The following PPA2 variants were observed in gnomAD, a reference collection of about 807,000 sequenced individuals.
The protein encoded by PPA2 is inorganic pyrophosphatase 2.
In PPA2, 48 loss-of-function variants were observed where a neutral mutation model predicts 49.5. The ratio of observed to expected loss-of-function variants is 0.97; its 90% confidence interval spans 0.77 to 1.23. The LOEUF is 1.23. Ranked by LOEUF, PPA2 falls within the 50% of genes most tolerant of loss-of-function variation. The pLI is 0.00. For missense variants in PPA2, 429 were observed against 410.1 expected (o/e 1.05, Z -0.40); for synonymous variants, 131 against 139.9 (o/e 0.94, Z 0.45).
chr4:105,409,124 A>G (rs2130693), intron 7 of PPA2, among the ~76,000 whole-genome samples: 89,991 of 152,042 alleles, frequency 0.59, 26,744 homozygotes, highest in East Asian at 0.68. Flanking sequence ...AGCACAAGGG[A>G]TCGGGGATTT....
intron 5 of PPA2, among the ~76,000 whole-genome samples, chr4:105,439,031 G>C (rs927422236): frequency 2.0e-5 from 3 of 150,972 alleles, no homozygotes; most frequent in African/African-American, 7.3e-5. Flanking sequence ...ATCAATAAAT[G>C]AAGTCCAACA....
intron 5 of PPA2, among the ~76,000 whole-genome samples, chr4:105,439,801 G>C (rs1724256447): frequency 6.6e-6 from 1 of 150,380 alleles, no homozygotes; most frequent in South Asian, 2.1e-4. Flanking sequence ...TCGTCATTTA[G>C]CATTAGGTAT....
At chr4:105,460,207 CAAATAA>C (rs1019459495) in intron 1 of PPA2, among the ~76,000 whole-genome samples, 1 of 152,052 alleles carries the variant, frequency 6.6e-6, no homozygotes, top group African/African-American at 2.4e-5. Flanking sequence ...AAACATAATA[CAAATAA>C]AACAATACAG....
At chr4:105,402,269 T>G (rs952957263) in intron 7 of PPA2, among the ~76,000 whole-genome samples, 1 of 150,872 alleles carries the variant, frequency 6.6e-6, no homozygotes. Context: ...AAAAAAAAAA[T>G]TAGGCCTGGG....
intron 6 of PPA2, among the ~76,000 whole-genome samples, chr4:105,435,514 A>T (rs1724012276): frequency 6.6e-6 from 1 of 152,054 alleles, no homozygotes. Flanking sequence ...ACTACTACTA[A>T]ACCTAAGAAC....
At chr4:105,376,472 A>T (rs2110362329) in intron 10 of PPA2, among the ~76,000 whole-genome samples, 1 of 152,280 alleles carries the variant, frequency 6.6e-6, no homozygotes, top group Middle Eastern at 3.4e-3. Flanking sequence ...CATCATCACT[A>T]TCATCTCTGA....
chr4:105,417,239 G>T (rs1723053616), intron 7 of PPA2, among the ~76,000 whole-genome samples: 2 of 152,140 alleles, frequency 1.3e-5, no homozygotes, highest in Admixed American at 1.3e-4. Context: ...ATGTCCCCAA[G>T]AAATCATCTA....
intron 1 of PPA2, among the ~76,000 whole-genome samples, chr4:105,461,249 C>A (rs1421357966): frequency 6.6e-6 from 1 of 152,210 alleles, no homozygotes; most frequent in East Asian, 1.9e-4. Context: ...CTCAGTTGAG[C>A]TTCATGCTTC....
intron 6 of PPA2, among the ~76,000 whole-genome samples, chr4:105,430,077 A>G (rs1273795833): frequency 6.6e-6 from 1 of 152,196 alleles, no homozygotes; most frequent in Non-Finnish European, 1.5e-5. Flanking sequence ...TTCACTGTAA[A>G]CCTGGAATTT....
intron 6 of PPA2, among the ~76,000 whole-genome samples, chr4:105,427,199 C>G (rs1279914834): frequency 6.6e-6 from 1 of 152,132 alleles, no homozygotes. Context: ...CCATAGGTCA[C>G]CAACATCAAA....
intron 6 of PPA2, among the ~76,000 whole-genome samples, chr4:105,428,131 T>C (rs1159053511): frequency 1.3e-5 from 2 of 152,126 alleles, no homozygotes; most frequent in Non-Finnish European, 2.9e-5. Flanking sequence ...ATAAAATCCT[T>C]TATAGACAAG....
chr4:105,389,633 C>G (rs910995472), intron 9 of PPA2, among the ~76,000 whole-genome samples: 1 of 151,872 alleles, frequency 6.6e-6, no homozygotes, highest in African/African-American at 2.4e-5. Context: ...GCCCAAATTA[C>G]ATATAAAAAT....
chr4:105,398,063 A>C (rs72964244), intron 8 of PPA2, among the ~76,000 whole-genome samples: 5,422 of 145,596 alleles, frequency 0.037, 324 homozygotes, highest in African/African-American at 0.12. Context: ...ACAGAAAAGA[A>C]TTACTATTTG....
intron 7 of PPA2, among the ~76,000 whole-genome samples, chr4:105,409,996 CA>C (rs1459734571): frequency 2.0e-4 from 30 of 152,210 alleles, no homozygotes; most frequent in African/African-American, 7.2e-4. Context: ...AAAACCAGAG[CA>C]CCTCTCCTCT....
chr4:105,389,969 C>G (rs1052700503), intron 9 of PPA2, among the ~76,000 whole-genome samples: 4 of 152,128 alleles, frequency 2.6e-5, no homozygotes, highest in Admixed American at 6.5e-5. Context: ...GGTGCCAAAA[C>G]AGACATATAG....
chr4:105,395,284 A>G (rs1017115849), intron 9 of PPA2, among the ~76,000 whole-genome samples: 5 of 124,946 alleles, frequency 4.0e-5, no homozygotes, highest in African/African-American at 1.2e-4. Context: ...TGATTACCTT[A>G]GTCTAGAATT....
intron 1 of PPA2, among the ~76,000 whole-genome samples, chr4:105,467,584 T>C (rs2110332383): frequency 6.6e-6 from 1 of 152,300 alleles, no homozygotes; most frequent in Middle Eastern, 3.4e-3. Flanking sequence ...TGAAGGTGAT[T>C]GCTGTATGGA....
intron 7 of PPA2, among the ~76,000 whole-genome samples, chr4:105,413,311 G>A (rs1205731531): frequency 6.6e-6 from 1 of 151,618 alleles, no homozygotes. Context: ...ACACACCAGG[G>A]CCTGTTGGGG....
chr4:105,394,145 T>C (rs370280206), intron 9 of PPA2, among the ~76,000 whole-genome samples: 3 of 152,016 alleles, frequency 2.0e-5, no homozygotes, highest in African/African-American at 7.2e-5. Flanking sequence ...GGTGGGCGGA[T>C]CACTTGAGGC....
Sources: allele counts gnomAD v4.1 joint callset (sites outside exome capture counted in the v4.1 genomes callset), GRCh38; gene constraint gnomAD v4.1.1; transcripts MANE v1.5; gene names NCBI Gene and HGNC (gene_info 2026-07-23, HGNC 2026-07-21).